RAPGEF5: variants seen among roughly 807,000 people sequenced by gnomAD.
RAPGEF5 encodes M-Ras-regulated GEF.
Under a neutral mutation model 125.2 loss-of-function variants are expected in RAPGEF5, and 65 were observed. The ratio of observed to expected loss-of-function variants is 0.52; its 90% CI spans 0.43 to 0.64. The LOEUF (loss-of-function observed/expected upper bound fraction) is 0.64. Ranked by LOEUF, RAPGEF5 falls within the 30% of genes least tolerant of loss-of-function variation. The probability of loss-of-function intolerance (pLI) is 0.00; values close to 1 mark genes in which losing one functional copy is unlikely to be tolerated. For synonymous variants in RAPGEF5, 391 were observed against 385.9 expected, an observed-to-expected ratio of 1.01 and a Z score of -0.16; for missense variants, 958 against 1,048.1, an observed-to-expected ratio of 0.91 and a Z score of 1.19.
intron 7 of RAPGEF5, among the ~76,000 whole-genome samples, chr7:22,261,292 T>C (rs1309085704): frequency 6.6e-6 from 1 of 152,062 alleles, no homozygotes; most frequent in Non-Finnish European, 1.5e-5. Context: ...TGCTAGTATA[T>C]ACAATTAATA....
chr7:22,189,552 A>G (rs1162135796), intron 11 of RAPGEF5, among the ~76,000 whole-genome samples: 1 of 152,058 alleles, frequency 6.6e-6, no homozygotes, highest in African/African-American at 2.4e-5. Flanking sequence ...TAATTCTCTC[A>G]TGTAAACCTC....
intron 6 of RAPGEF5, among the ~76,000 whole-genome samples, chr7:22,288,998 A>C (rs1387807185): frequency 6.6e-6 from 1 of 152,088 alleles, no homozygotes; most frequent in African/African-American, 2.4e-5. Context: ...TCTCATTCCT[A>C]TGCTTGCCCA....
At chr7:22,220,775 T>G (rs1045104268) in intron 8 of RAPGEF5, among the ~76,000 whole-genome samples, 1 of 152,116 alleles carries the variant, frequency 6.6e-6, no homozygotes, top group Non-Finnish European at 1.5e-5. Context: ...CTCAAATTCT[T>G]TCCAAAATGG....
chr7:22,141,109 T>C (rs1203341719), intron 20 of RAPGEF5, among the ~76,000 whole-genome samples: 1 of 143,474 alleles, frequency 7.0e-6, no homozygotes, highest in Non-Finnish European at 1.5e-5. Flanking sequence ...TTCAGTTAAA[T>C]ACCATGTTAT....
At chr7:22,138,006 T>TACAC (rs57116603) in intron 21 of RAPGEF5, among the ~76,000 whole-genome samples, 19,827 of 148,434 alleles carry the variant, frequency 0.13, 1,435 homozygotes, top group East Asian at 0.3. Context: ...GTTTGGAAAC[T>TACAC]ACACACACAC....
chr7:22,170,622 A>G (rs1784319636), intron 11 of RAPGEF5, among the ~76,000 whole-genome samples: 1 of 152,238 alleles, frequency 6.6e-6, no homozygotes, highest in Admixed American at 6.5e-5. Flanking sequence ...ATAACCAGTC[A>G]TTCCATTCCA....
rs777661489 is a variant in RAPGEF5 at position 22,162,488 on chromosome 7, C to G, written c.1337G>C (p.Arg446Thr). The G allele has an allele frequency of 1.4e-5, 22 of 1,608,050 alleles. No individual in the cohort carries two copies. The highest frequency in any genetic ancestry group is 1.9e-5 in the Non-Finnish European group (22 of 1,174,604). The change falls in exon 13 of 26, where the codon AGG (arginine) becomes ACG (threonine). Residue 446 changes from arginine to threonine, a missense_variant. Transcript: ENST00000665637. Reference protein sequence around the residue: ...GKEENSDVPRRKRKVLHLVSQ... With the variant: ...GKEENSDVPRTKRKVLHLVSQ... ...AACAAGATGCAAGACTTTACGTTTCCTACGCGGAACGTCTGAGTTTTCCTC... is the reference window on the plus strand; with the variant it reads ...AACAAGATGCAAGACTTTACGTTTCGTACGCGGAACGTCTGAGTTTTCCTC...
intron 15 of RAPGEF5, among the ~76,000 whole-genome samples, chr7:22,157,174 T>C (rs757777873): frequency 1.2e-4 from 18 of 152,204 alleles, no homozygotes; most frequent in Non-Finnish European, 2.5e-4. Context: ...CAAACATCCA[T>C]AGAGTCTCCT....
intron 1 of RAPGEF5, among the ~76,000 whole-genome samples, chr7:22,335,881 T>C (rs923560718): frequency 1.3e-4 from 20 of 152,176 alleles, no homozygotes; most frequent in African/African-American, 4.8e-4. Flanking sequence ...ATTTCTTAAA[T>C]AAGAATATTG....
intron 7 of RAPGEF5, among the ~76,000 whole-genome samples, chr7:22,244,363 C>T (rs527982103): frequency 6.6e-6 from 1 of 152,242 alleles, no homozygotes; most frequent in African/African-American, 2.4e-5. Context: ...AGGAACCAGG[C>T]CACACAGCAG....
intron 9 of RAPGEF5, among the ~76,000 whole-genome samples, chr7:22,211,548 C>G (rs904459559): frequency 1.3e-5 from 2 of 152,052 alleles, no homozygotes; most frequent in Non-Finnish European, 2.9e-5. Flanking sequence ...AACTGAAGTC[C>G]CCTGACTTGA....
At chr7:22,316,476 TATATATA>T (rs1783596036) in intron 2 of RAPGEF5, among the ~76,000 whole-genome samples, 2 of 57,768 alleles carry the variant, frequency 3.5e-5, no homozygotes, top group Admixed American at 1.8e-4. Flanking sequence ...TATATATATA[TATATATA>T]TATATATTTT....
chr7:22,218,199 G>A (rs1352749629), intron 9 of RAPGEF5, among the ~76,000 whole-genome samples: 1 of 152,074 alleles, frequency 6.6e-6, no homozygotes, highest in African/African-American at 2.4e-5. Flanking sequence ...TAATCTCATT[G>A]GCCGTGACTA....
At chr7:22,311,712 T>C (rs1026321706) in intron 3 of RAPGEF5, among the ~76,000 whole-genome samples, 8 of 152,230 alleles carry the variant, frequency 5.3e-5, no homozygotes, top group African/African-American at 1.9e-4. Flanking sequence ...GTCAAATATA[T>C]GGATTTCTTT....
intron 6 of RAPGEF5, among the ~76,000 whole-genome samples, chr7:22,278,544 G>A (rs1165342252): frequency 1.3e-5 from 2 of 151,862 alleles, no homozygotes; most frequent in South Asian, 2.1e-4. Context: ...TGTCCAAAGA[G>A]CTAATCCTAA....
At chr7:22,347,122 T>C (rs1784237807) in intron 1 of RAPGEF5, among the ~76,000 whole-genome samples, 1 of 152,052 alleles carries the variant, frequency 6.6e-6, no homozygotes, top group South Asian at 2.1e-4. Context: ...CACACATATA[T>C]ATATTTTAAC....
intron 6 of RAPGEF5, among the ~76,000 whole-genome samples, chr7:22,287,090 T>C (rs971039731): frequency 1.3e-5 from 2 of 152,248 alleles, no homozygotes; most frequent in African/African-American, 2.4e-5. Flanking sequence ...GTAGACTTTA[T>C]GTAATGGAAA....
chr7:22,264,236 A>G (rs1239246142), intron 7 of RAPGEF5, among the ~76,000 whole-genome samples: 1 of 152,186 alleles, frequency 6.6e-6, no homozygotes, highest in Non-Finnish European at 1.5e-5. Flanking sequence ...ATATAAACCT[A>G]TTGGATTATA....
intron 11 of RAPGEF5, chr7:22,193,006 G>A: frequency 1.0e-5 from 3 of 296,384 alleles, no homozygotes; most frequent in South Asian, 1.2e-4. Context: ...TACATGCCAG[G>A]TGAACGCCTG....
Sources: gnomAD v4.1 joint callset for allele counts (sites outside exome capture counted in the v4.1 genomes callset) on GRCh38, gnomAD v4.1.1 for gene constraint, MANE v1.5 for transcripts, NCBI Gene and HGNC (gene_info 2026-07-23, HGNC 2026-07-21) for gene names.